The following ATP2B2 variants were observed in gnomAD, a reference collection of about 807,000 sequenced individuals.
The protein encoded by ATP2B2 is ATPase plasma membrane Ca2+ transporting 2.
Under a neutral mutation model 120.0 loss-of-function variants are expected in ATP2B2, and 15 were observed. That is an observed-to-expected ratio of 0.12 (90% CI 0.08 to 0.19). ATP2B2 has a LOEUF of 0.19. Among genes scored for constraint, ATP2B2 ranks in the 10% least tolerant of loss-of-function variants. ATP2B2 has a pLI of 1.00. For synonymous variants in ATP2B2, 694 were observed against 700.3 expected (o/e 0.99, Z 0.14); for missense variants, 1,045 against 1,719.8 (o/e 0.61, Z 6.94).
intron 12 of ATP2B2, among the ~76,000 whole-genome samples, chr3:10,363,940 GC>G (rs2060971835): frequency 6.6e-6 from 1 of 152,180 alleles, no homozygotes; most frequent in African/African-American, 2.4e-5. Flanking sequence ...CATGTTCAAA[GC>G]AGCATTAATC....
intron 1 of ATP2B2, among the ~76,000 whole-genome samples, chr3:10,648,258 C>A (rs1315179836): frequency 6.6e-6 from 1 of 152,186 alleles, no homozygotes; most frequent in Non-Finnish European, 1.5e-5. Context: ...CTATTCCCCA[C>A]CCCTCCACCT....
chr3:10,435,887 A>T (rs970665243), intron 2 of ATP2B2, among the ~76,000 whole-genome samples: 2 of 152,254 alleles, frequency 1.3e-5, no homozygotes, highest in African/African-American at 4.8e-5. Context: ...AAAAAACTAC[A>T]GCTTAAAGAA....
At chr3:10,473,979 C>T (rs1438795836) in intron 1 of ATP2B2, among the ~76,000 whole-genome samples, 1 of 152,164 alleles carries the variant, frequency 6.6e-6, no homozygotes, top group African/African-American at 2.4e-5. Flanking sequence ...TTCCCTTTTT[C>T]ACGGATCTGT....
At chr3:10,481,338 C>G (rs555680338) in intron 1 of ATP2B2, among the ~76,000 whole-genome samples, 1 of 151,980 alleles carries the variant, frequency 6.6e-6, no homozygotes, top group African/African-American at 2.4e-5. Flanking sequence ...CTGCGGCACA[C>G]CAGCATACTC....
At chr3:10,589,393 C>T (rs2068589681) in intron 2 of ATP2B2, among the ~76,000 whole-genome samples, 1 of 152,186 alleles carries the variant, frequency 6.6e-6, no homozygotes, top group Admixed American at 6.5e-5. Flanking sequence ...AGAGGGCTTA[C>T]AGACCACCAG....
intron 1 of ATP2B2, among the ~76,000 whole-genome samples, chr3:10,457,438 G>A (rs1482376301): frequency 6.6e-6 from 1 of 152,142 alleles, no homozygotes; most frequent in Non-Finnish European, 1.5e-5. Context: ...AAGTGACCGT[G>A]CTTTGTGTGT....
intron 3 of ATP2B2, among the ~76,000 whole-genome samples, chr3:10,406,064 G>T (rs2062399847): frequency 6.6e-6 from 1 of 152,202 alleles, no homozygotes; most frequent in Non-Finnish European, 1.5e-5. Context: ...AGCACCCATA[G>T]CCCTGCCCCA....
rs751832350 is a variant in ATP2B2, at chr3:10,375,459, C to T, written c.1387G>A (p.Val463Ile). 3.7e-6 allele frequency: 6 copies of T among 1,612,942 alleles called. No individual in the cohort carries two copies. Among genetic ancestry groups the T allele is most frequent in the Non-Finnish European group, 4.2e-6 (5 of 1,179,942 alleles). The change falls in exon 11 of 23, where the codon GTC becomes ATC. Residue 463 changes from valine to isoleucine, a missense_variant. This residue lies in a region of ATP2B2 where 343 missense variants were observed against 536.8 expected (regional missense o/e 0.64). Transcript: ENST00000360273. The surrounding 1 kb of genome is among the most constrained non-coding windows in gnomAD (Gnocchi z 4.2). ...VAVPEGLPLAVTISLAYSVKK... is the reference protein window; with the variant it reads ...VAVPEGLPLAITISLAYSVKK... ...ACCGAATAGGCCAACGAGATGGTGA[C>T]GGCCAGAGGGAGCCCCTCGGGCACG...
chr3:10,414,699 C>T (rs139811518), intron 2 of ATP2B2, among the ~76,000 whole-genome samples: 17 of 152,234 alleles, frequency 1.1e-4, no homozygotes, highest in East Asian at 1.9e-4. Context: ...GTTTGAGACC[C>T]CCAAGGCTAT....
At chr3:10,632,705 G>A (rs1403199791) in intron 1 of ATP2B2, among the ~76,000 whole-genome samples, 2 of 152,236 alleles carry the variant, frequency 1.3e-5, no homozygotes, top group Non-Finnish European at 1.5e-5. Context: ...AGCATCTAAA[G>A]AGGATGAGCC....
At chr3:10,379,537 G>T (rs1436614779) in intron 8 of ATP2B2, among the ~76,000 whole-genome samples, 1 of 152,166 alleles carries the variant, frequency 6.6e-6, no homozygotes, top group Non-Finnish European at 1.5e-5. Context: ...GTTTCTGCTG[G>T]AATACTTTTG....
chr3:10,613,575 T>G (rs2125612278), intron 2 of ATP2B2, among the ~76,000 whole-genome samples: 1 of 152,250 alleles, frequency 6.6e-6, no homozygotes, highest in African/African-American at 2.4e-5. Context: ...CCTTTGATTC[T>G]TCTTTTTCCT....
intron 1 of ATP2B2, among the ~76,000 whole-genome samples, chr3:10,647,781 T>C (rs185509936): frequency 2.8e-3 from 427 of 152,072 alleles, no homozygotes; most frequent in Non-Finnish European, 4.8e-3. Context: ...GAAAAAGAAG[T>C]TGATGGTGAT....
At chr3:10,439,900 G>A (rs956504692) in intron 2 of ATP2B2, among the ~76,000 whole-genome samples, 9 of 147,090 alleles carry the variant, frequency 6.1e-5, no homozygotes, top group Admixed American at 4.8e-4. Flanking sequence ...GATTACAAGC[G>A]TGTACCACCA....
chr3:10,604,345 T>C (rs1403031693), intron 2 of ATP2B2, among the ~76,000 whole-genome samples: 2 of 152,208 alleles, frequency 1.3e-5, no homozygotes, highest in Non-Finnish European at 2.9e-5. Context: ...GCTAAAGTCA[T>C]ACAACACACT....
At chr3:10,686,917 A>G (rs1042523744) in intron 1 of ATP2B2, among the ~76,000 whole-genome samples, 2 of 152,228 alleles carry the variant, frequency 1.3e-5, no homozygotes, top group Admixed American at 6.5e-5. Flanking sequence ...GCCACCTAAT[A>G]TGTCCATTTT....
At chr3:10,441,460 G>A (rs532378840) in intron 2 of ATP2B2, among the ~76,000 whole-genome samples, 2 of 152,226 alleles carry the variant, frequency 1.3e-5, no homozygotes, top group African/African-American at 4.8e-5. Context: ...GGCTGGTCTC[G>A]AACTCCTGAC....
chr3:10,542,392 A>G (rs1047939594), intron 2 of ATP2B2, among the ~76,000 whole-genome samples: 4 of 152,234 alleles, frequency 2.6e-5, no homozygotes, highest in African/African-American at 9.6e-5. Flanking sequence ...ACTCAAGAAG[A>G]GAAGGAAAGT....
intron 1 of ATP2B2, among the ~76,000 whole-genome samples, chr3:10,480,607 C>G (rs1211561420): frequency 6.6e-6 from 1 of 152,228 alleles, no homozygotes; most frequent in African/African-American, 2.4e-5. Context: ...GCCCAAGACC[C>G]TGTCAAGCTT....
Sources: allele counts gnomAD v4.1 joint callset (sites outside exome capture counted in the v4.1 genomes callset), GRCh38; gene constraint gnomAD v4.1.1; regional missense constraint gnomAD v4.1.1; non-coding constraint Gnocchi (gnomAD v3.1); transcripts MANE v1.5; gene names NCBI Gene and HGNC (gene_info 2026-07-23, HGNC 2026-07-21).